The following RTEL1 variants were observed in gnomAD, a reference collection of about 807,000 sequenced individuals.
The protein encoded by RTEL1 is regulator of telomere elongation helicase 1, also known as regulator of telomere length.
In RTEL1, 86 loss-of-function variants were observed where a neutral mutation model predicts 162.2. The ratio of observed to expected loss-of-function variants is 0.53; its 90% confidence interval spans 0.45 to 0.63. RTEL1 has a LOEUF of 0.63. Among genes scored for constraint, RTEL1 ranks in the 30% least tolerant of loss-of-function variants. The pLI is 0.00. For synonymous variants in RTEL1, 958 were observed against 717.9 expected (o/e 1.33, Z -5.35); for missense variants, 1,941 against 1,750.2 (o/e 1.11, Z -1.95).
At position 63,695,780 on chromosome 20, in the gene RTEL1, C is replaced by T. The variant is rs775014813; in HGVS notation, c.3825C>T (p.Ala1275=). 5.0e-6 allele frequency: 8 copies of T among 1,591,840 alleles called. No homozygotes were observed. The highest frequency in any genetic ancestry group is 2.3e-5 in the East Asian group (1 of 43,974). The part of the protein sequence containing the change: ...CQACWQRHLQ[A]SRMCPACHTA... ...GCAGTGGGCCGGTTGTCTCACAGGC[C>T]TCTAGGATGTGCCCAGCCTGCCACA... is the stretch of plus-strand genomic sequence containing the variant. Residue 1275 remains alanine (A), a splice_region_variant and synonymous_variant, in exon 35 of 35, where the codon GCC becomes GCT. Coordinates refer to ENST00000360203, the MANE Select transcript of RTEL1 (RefSeq NM_001283009.2).
At chr20:63,680,515 A>T in intron 13 of RTEL1, 149 bp from the exon 14 acceptor site, 1 of 771,102 alleles carries the variant, frequency 1.3e-6, no homozygotes, top group Non-Finnish European at 2.1e-6. Flanking sequence ...CCCGCCCTGA[A>T]TGGATGCTGC....
At chr20:63,693,705 TCCACCACCACCACCTGCACCA>T (rs2090878558) in intron 30 of RTEL1, among the ~76,000 whole-genome samples, 1 of 4,146 alleles carries the variant, frequency 2.4e-4, no homozygotes, top group African/African-American at 1.2e-3. Context: ...CACCACCACC[TCCACCACCACCACCTGCACCA>T]CCACCTCCAC....
intron 26 of RTEL1, 53 bp downstream of exon 26, chr20:63,690,494 GT>G: frequency 1.5e-6 from 2 of 1,336,840 alleles, no homozygotes; most frequent in Non-Finnish European, 2.0e-6. Flanking sequence ...AGCGGGCGGC[GT>G]GGGGCGGGCA....
chr20:63,695,191 C>A lies in RTEL1; in HGVS notation c.3469C>A (p.Pro1157Thr). 1 of 1,612,268 alleles carries A rather than the reference C, an allele frequency of 6.2e-7. No individual in the cohort carries two copies. Among genetic ancestry groups the A allele is most frequent in the Non-Finnish European group, 8.5e-7 (1 of 1,179,830 alleles). ...GPQEERLAVP[P>T]VLTHRAPQPG... ...CCAGGAGGAGAGGCTTGCCGTGCCT[C>A]CTGTGCTTACCCACAGGGCTCCCCA... The change falls in exon 33 of 35, where the codon CCT (proline) becomes ACT (threonine). Residue 1157 changes from proline to threonine, a missense_variant. Transcript: ENST00000360203.
At chr20:63,660,659 C>T (rs1213745164) in intron 2 of RTEL1, 2 of 153,362 alleles carry the variant, frequency 1.3e-5, no homozygotes, top group East Asian at 3.8e-4. Context: ...ACAGTCTGAT[C>T]TCTCTTTTCC....
At chr20:63,688,862 G>A (rs768378307) in intron 21 of RTEL1, 193 bp from the exon 22 acceptor site, 25 of 673,542 alleles carry the variant, frequency 3.7e-5, no homozygotes, top group Admixed American at 5.4e-5. Context: ...GGGGTTCCCC[G>A]TGTTTTCTGG....
In RTEL1 at chr20:63,695,588, C is replaced by T. The variant is rs1311759310; in HGVS notation, c.3760C>T (p.Pro1254Ser). 2 of 1,611,936 alleles carry T rather than the reference C, an allele frequency of 1.2e-6. No homozygotes were observed. Among genetic ancestry groups the T allele is most frequent in the Non-Finnish European group, 1.7e-6 (2 of 1,179,910 alleles). ...CQGCGAEDVVPFQCPACDFQR... is the reference protein window; with the variant it reads ...CQGCGAEDVVSFQCPACDFQR... Reference sequence around the variant, plus strand: ...GGGCTGTGGGGCAGAGGACGTGGTGCCCTTCCAGTGCCCTGCCTGTGACTT... The same window carrying T: ...GGGCTGTGGGGCAGAGGACGTGGTGTCCTTCCAGTGCCCTGCCTGTGACTT... Residue 1254 changes from proline (P) to serine (S), a missense_variant, in exon 34 of 35, where the codon CCC becomes TCC. Pro to Ser is a moderately conservative substitution (Grantham distance 74). Transcript: ENST00000360203.
At chr20:63,682,520 T>A in intron 14 of RTEL1, 1 of 985,704 alleles carries the variant, frequency 1.0e-6, no homozygotes, top group Non-Finnish European at 1.2e-6. Flanking sequence ...TCCTGCACAC[T>A]CCATCGGTTT....
intron 14 of RTEL1, among the ~76,000 whole-genome samples, chr20:63,684,831 T>G (rs1011141121): frequency 6.6e-6 from 1 of 152,032 alleles, no homozygotes; most frequent in African/African-American, 2.4e-5. Context: ...GGAGTCAGCG[T>G]GTCTACTTCC....
intron 16 of RTEL1, 116 bp from the exon 17 acceptor site, chr20:63,687,522 C>T (rs967154566): frequency 2.5e-5 from 30 of 1,213,006 alleles, no homozygotes; most frequent in Middle Eastern, 2.8e-4. Context: ...GGTGGCTGCC[C>T]GCGGCTCGCT....
chr20:63,690,766 C>A (rs955640869), intron 26 of RTEL1, 39 bp from the exon 27 acceptor site: 14 of 1,562,660 alleles, frequency 9.0e-6, no homozygotes, highest in Non-Finnish European at 1.2e-5. Context: ...CAGCTGGGGC[C>A]CCCCGTGGGC....
chr20:63,688,746 C>T (rs2145424079), intron 21 of RTEL1, 141 bp downstream of exon 21: 1 of 737,302 alleles, frequency 1.4e-6, no homozygotes, highest in Non-Finnish European at 2.2e-6. Context: ...GCGTTTCCTT[C>T]CTGGCCCTGA....
At chr20:63,678,431 C>A in intron 12 of RTEL1, 85 bp downstream of exon 12, 1 of 1,273,510 alleles carries the variant, frequency 7.9e-7, no homozygotes, top group South Asian at 1.3e-5. Flanking sequence ...GCTGTCACAT[C>A]ACGAGTGAGG....
rs780739594 is a variant in RTEL1, at chr20:63,695,022, G to T, written c.3344-44G>T. ...ACAGCCGGTGGGGTGGGGGGCAGGG[G>T]ACAAAATGGGGGCTGTGCCGGGTCT... On this transcript the variant is annotated intron_variant, in intron 32 of 34. Coordinates refer to ENST00000360203, the MANE Select transcript of RTEL1 (RefSeq NM_001283009.2). The T allele has an allele frequency of 6.2e-6, 10 of 1,609,738 alleles. No individual in the cohort carries two copies. The South Asian group carries it at 1.1e-4, about 18-fold the overall frequency.
Position 63,694,450 on chromosome 20 carries a change from A to T in RTEL1, c.3071A>T (p.Gln1024Leu). Residue 1024 changes from glutamine (Q) to leucine (L), a missense_variant, in exon 31 of 35, where the codon CAG (glutamine) becomes CTG (leucine). Transcript: ENST00000360203. The part of the protein sequence containing the change: ...QQLDPQEHLN[Q>L]GRPHLSPRPP... ...CTGGACCCCCAAGAGCACCTGAACC[A>T]GGGCAGGCCCCACCTGTCGCCCAGG... 6.2e-7 allele frequency: 1 copy of T among 1,609,018 alleles called. No homozygotes were observed. The highest frequency in any genetic ancestry group is 8.5e-7 in the Non-Finnish European group (1 of 1,177,000).
chr20:63,685,957 C>CT, intron 16 of RTEL1, 85 bp downstream of exon 16: 2 of 1,317,570 alleles, frequency 1.5e-6, no homozygotes, highest in Non-Finnish European at 2.1e-6. Context: ...CATGCCCAGC[C>CT]GTGGATCTCC....
intron 14 of RTEL1, chr20:63,682,708 A>C (rs1351507103): frequency 1.0e-6 from 1 of 985,076 alleles, no homozygotes; most frequent in Non-Finnish European, 1.2e-6. Flanking sequence ...TGCAGCCCTG[A>C]GTCACAGGTG....
chr20:63,663,641 T>C (rs2090065421), intron 6 of RTEL1, among the ~76,000 whole-genome samples: 1 of 152,194 alleles, frequency 6.6e-6, no homozygotes, highest in Non-Finnish European at 1.5e-5. Context: ...ACAGTTTCTG[T>C]GACCTGAGGG....
At chr20:63,679,357 G>T (rs1275404171) in intron 12 of RTEL1, among the ~76,000 whole-genome samples, 1 of 152,080 alleles carries the variant, frequency 6.6e-6, no homozygotes, top group Non-Finnish European at 1.5e-5. Context: ...GCACCCTCAG[G>T]GTCCCCTCCT....
Sources: allele counts gnomAD v4.1 joint callset (sites outside exome capture counted in the v4.1 genomes callset), GRCh38; gene constraint gnomAD v4.1.1; transcripts MANE v1.5; gene names NCBI Gene and HGNC (gene_info 2026-07-23, HGNC 2026-07-21).